The following TCF4 variants were observed in gnomAD, a reference collection of about 807,000 sequenced individuals.
TCF4 encodes SL3-3 enhancer factor 2.
Under a neutral mutation model 82.1 loss-of-function variants are expected in TCF4, and 3 were observed. That is an observed-to-expected ratio of 0.04 (90% CI 0.02 to 0.09). The LOEUF is 0.09. TCF4 is among the 10% of genes least tolerant of loss of function. The probability of loss-of-function intolerance (pLI) is 1.00; values close to 1 mark genes in which losing one functional copy is unlikely to be tolerated. For missense variants in TCF4, 518 were observed against 852.7 expected (o/e 0.61, Z 4.89); for synonymous variants, 276 against 309.6 (o/e 0.89, Z 1.14).
chr18:55,298,856 G>A (rs993020973), intron 8 of TCF4, among the ~76,000 whole-genome samples: 1 of 152,108 alleles, frequency 6.6e-6, no homozygotes, highest in Non-Finnish European at 1.5e-5. Context: ...TAAGGAGAAA[G>A]TTGGAGCAAA....
chr18:55,372,017 C>T (rs2089369076), intron 6 of TCF4, among the ~76,000 whole-genome samples: 1 of 152,184 alleles, frequency 6.6e-6, no homozygotes, highest in Admixed American at 6.5e-5. Flanking sequence ...GCATCTCCTT[C>T]CTTATAAGGT....
chr18:55,485,362 T>G (rs1164941916), intron 3 of TCF4, among the ~76,000 whole-genome samples: 2 of 152,210 alleles, frequency 1.3e-5, no homozygotes, highest in East Asian at 3.8e-4. Flanking sequence ...GTTTATGAAC[T>G]TACTGCTCAC....
At chr18:55,392,117 C>A (rs990835260) in intron 6 of TCF4, among the ~76,000 whole-genome samples, 2 of 150,472 alleles carry the variant, frequency 1.3e-5, no homozygotes, top group Non-Finnish European at 3.0e-5. Context: ...GCATGCACCA[C>A]CACACCTAGC....
intron 3 of TCF4, among the ~76,000 whole-genome samples, chr18:55,534,092 C>G (rs760487472): frequency 6.6e-6 from 1 of 152,146 alleles, no homozygotes. Flanking sequence ...TCATGTATAC[C>G]TTACACACAT....
intron 5 of TCF4, among the ~76,000 whole-genome samples, chr18:55,422,747 A>G (rs1477250928): frequency 7.9e-5 from 12 of 152,198 alleles, no homozygotes; most frequent in Admixed American, 7.9e-4. Flanking sequence ...AATTTTCATT[A>G]ATTACAACCT....
At chr18:55,493,736 C>G (rs2096599742) in intron 3 of TCF4, among the ~76,000 whole-genome samples, 1 of 151,994 alleles carries the variant, frequency 6.6e-6, no homozygotes, top group African/African-American at 2.4e-5. Context: ...ATACATATCC[C>G]AAGTAAAATA....
intron 3 of TCF4, chr18:55,482,782 T>C (rs1376961142): frequency 1.3e-5 from 2 of 152,168 alleles, no homozygotes; most frequent in South Asian, 4.2e-4. Flanking sequence ...CTGCAGAACT[T>C]GAACACGTGG....
At chr18:55,327,419 T>C (rs907826390) in intron 8 of TCF4, among the ~76,000 whole-genome samples, 2 of 152,182 alleles carry the variant, frequency 1.3e-5, no homozygotes, top group African/African-American at 2.4e-5. Flanking sequence ...GGTTCAAATA[T>C]GGACACATTT....
intron 6 of TCF4, among the ~76,000 whole-genome samples, chr18:55,365,187 A>ATGTGTG (rs1354127999): frequency 1.8e-5 from 2 of 108,416 alleles, no homozygotes; most frequent in African/African-American, 4.3e-5. Context: ...ATATATATAT[A>ATGTGTG]TATATGTGTG....
intron 3 of TCF4, among the ~76,000 whole-genome samples, chr18:55,504,974 AAGATGCTGGAATAGTGCCC>A (rs1395694122): frequency 2.0e-5 from 3 of 152,244 alleles, no homozygotes; most frequent in Non-Finnish European, 4.4e-5. Flanking sequence ...GAAAACTGCC[AAGATGCTGGAATAGTGCCC>A]AGTTATCCGT....
intron 5 of TCF4, among the ~76,000 whole-genome samples, chr18:55,446,666 T>C (rs1243479686): frequency 6.6e-6 from 1 of 152,172 alleles, no homozygotes; most frequent in Non-Finnish European, 1.5e-5. Context: ...ACTTAGCAAG[T>C]GCCTGGTACA....
intron 6 of TCF4, among the ~76,000 whole-genome samples, chr18:55,368,446 A>G (rs1199407456): frequency 6.6e-6 from 1 of 152,168 alleles, no homozygotes; most frequent in Non-Finnish European, 1.5e-5. Flanking sequence ...TGTTAGTCTC[A>G]TTCTCCCCAT....
chr18:55,422,401 AG>A, intron 5 of TCF4: 6 of 985,048 alleles, frequency 6.1e-6, no homozygotes, highest in Non-Finnish European at 7.2e-6. Flanking sequence ...AGAAGGGAAA[AG>A]GTGGAGGGTT....
intron 15 of TCF4, among the ~76,000 whole-genome samples, chr18:55,244,833 G>T (rs893763803): frequency 1.1e-4 from 17 of 152,184 alleles, no homozygotes; most frequent in African/African-American, 4.1e-4. Flanking sequence ...CACACTTTCA[G>T]CTCCAAAAGA....
At chr18:55,251,988 C>G (rs1278143551) in intron 15 of TCF4, among the ~76,000 whole-genome samples, 2 of 126,008 alleles carry the variant, frequency 1.6e-5, no homozygotes, top group Non-Finnish European at 3.2e-5. Flanking sequence ...TGGAATGTAT[C>G]AAATGGTCAA....
chr18:55,347,435 G>A (rs2081428555), intron 8 of TCF4, among the ~76,000 whole-genome samples: 1 of 152,108 alleles, frequency 6.6e-6, no homozygotes, highest in African/African-American at 2.4e-5. Context: ...GACCCTGCCT[G>A]GTGGGTCTTC....
intron 8 of TCF4, among the ~76,000 whole-genome samples, chr18:55,319,393 TAGA>T (rs2074948719): frequency 6.6e-6 from 1 of 152,168 alleles, no homozygotes; most frequent in African/African-American, 2.4e-5. Flanking sequence ...AAAAATGGTA[TAGA>T]ATTGGCCCCT....
chr18:55,416,852 T>A (rs1178842867), intron 5 of TCF4, among the ~76,000 whole-genome samples: 3 of 152,184 alleles, frequency 2.0e-5, no homozygotes, highest in Non-Finnish European at 4.4e-5. Flanking sequence ...TGGGTAAAAT[T>A]TTGTGGCATA....
chr18:55,395,367 T>C lies in TCF4; in HGVS notation c.369+8087A>G, dbSNP rs572934746. Among the ~76,000 whole-genome samples, 5 of 152,346 alleles carry C rather than the reference T, an allele frequency of 3.3e-5. No homozygotes were observed. In the East Asian group the frequency reaches 9.6e-4, roughly 29 times the overall value. On this transcript the variant is annotated intron_variant, in intron 6 of 19. Coordinates refer to ENST00000354452, the MANE Select transcript of TCF4 (RefSeq NM_001083962.2). ...CTGTAGTCCTAATTGCTAGAAGCTA[T>C]TTTAAAAACGCTTAATGGTTTTCAT...
Sources: gnomAD v4.1 joint callset for allele counts (sites outside exome capture counted in the v4.1 genomes callset) on GRCh38, gnomAD v4.1.1 for gene constraint, MANE v1.5 for transcripts, NCBI Gene and HGNC (gene_info 2026-07-23, HGNC 2026-07-21) for gene names.